Variants in LYPD6B observed in about 807,000 individuals in gnomAD.
LYPD6B encodes LY6/PLAUR domain containing 6B.
Under a neutral mutation model 22.8 loss-of-function variants are expected in LYPD6B, and 17 were observed. The ratio of observed to expected loss-of-function variants is 0.75; its 90% CI spans 0.51 to 1.12. LYPD6B has a LOEUF of 1.12. LYPD6B is among the 50% of genes most tolerant of loss of function. The probability of loss-of-function intolerance (pLI) is 0.00; values close to 1 mark genes in which losing one functional copy is unlikely to be tolerated. For synonymous variants in LYPD6B, 106 were observed against 91.6 expected (o/e 1.16, Z -0.90); for missense variants, 221 against 258.3 (o/e 0.86, Z 0.99).
chr2:149,205,210 G>A (rs533385806), intron 3 of LYPD6B, 43 bp from the exon 4 acceptor site: 15 of 1,566,424 alleles, frequency 9.6e-6, no homozygotes, highest in Non-Finnish European at 1.2e-5. Flanking sequence ...ACCCACTGAT[G>A]TAAAATATAA....
chr2:149,094,439 G>A (rs1451135910), intron 1 of LYPD6B, among the ~76,000 whole-genome samples: 3 of 152,140 alleles, frequency 2.0e-5, no homozygotes, highest in Admixed American at 6.5e-5. Context: ...CTAAAGGATT[G>A]GCTGAAAAAT....
chr2:149,120,335 ATG>A (rs1448315838), intron 1 of LYPD6B, among the ~76,000 whole-genome samples: 2 of 122,526 alleles, frequency 1.6e-5, no homozygotes, highest in East Asian at 2.4e-4. Context: ...GTATATATAT[ATG>A]TGTATATATA....
chr2:149,170,117 G>A (rs2105924821), intron 3 of LYPD6B, among the ~76,000 whole-genome samples: 1 of 152,280 alleles, frequency 6.6e-6, no homozygotes, highest in African/African-American at 2.4e-5. Flanking sequence ...GCCAAAAGTG[G>A]CCATCTTAAT....
intron 1 of LYPD6B, among the ~76,000 whole-genome samples, chr2:149,052,682 C>T (rs1444279546): frequency 1.3e-5 from 2 of 152,164 alleles, no homozygotes; most frequent in African/African-American, 4.8e-5. Context: ...CCACTGCTGT[C>T]CAGATTGAAG....
intron 3 of LYPD6B, among the ~76,000 whole-genome samples, chr2:149,171,166 G>A (rs774231592): frequency 3.7e-4 from 57 of 152,122 alleles, no homozygotes; most frequent in Non-Finnish European, 3.5e-4. Flanking sequence ...ATGTGTGCCC[G>A]GGAGCAGATT....
chr2:149,070,863 A>G (rs1397681743), intron 1 of LYPD6B, among the ~76,000 whole-genome samples: 1 of 152,206 alleles, frequency 6.6e-6, no homozygotes, highest in African/African-American at 2.4e-5. Context: ...ATACATTTCC[A>G]AGAAGTCAAC....
chr2:149,207,731 G>C (rs1693591427), intron 4 of LYPD6B, among the ~76,000 whole-genome samples: 1 of 152,106 alleles, frequency 6.6e-6, no homozygotes, highest in Non-Finnish European at 1.5e-5. Flanking sequence ...AAATGTAGCT[G>C]TACTGGAAGT....
chr2:149,200,826 T>C (rs1418760824), intron 3 of LYPD6B: 1 of 152,206 alleles, frequency 6.6e-6, no homozygotes, highest in Non-Finnish European at 1.5e-5. Context: ...TCTGTATCCC[T>C]ATAAATATGC....
At chr2:149,186,043 A>G (rs12475782) in intron 3 of LYPD6B, among the ~76,000 whole-genome samples, 62,871 of 152,056 alleles carry the variant, frequency 0.41, 13,208 homozygotes, top group Non-Finnish European at 0.44. Context: ...AATTAGTTCA[A>G]TTAATAACCC....
chr2:149,141,858 TCTC>T (rs1688714564), intron 2 of LYPD6B, among the ~76,000 whole-genome samples: 1 of 152,194 alleles, frequency 6.6e-6, no homozygotes, highest in African/African-American at 2.4e-5. Flanking sequence ...AAATCTTTCT[TCTC>T]CTCTTTCAAG....
rs142044158 is a variant in LYPD6B, at chr2:149,109,247, A to G, written c.-66-21636A>G. On this transcript the variant is annotated intron_variant, in intron 1 of 6. Transcript: ENST00000409642. ...GCAGAACTTAAAGCTTTTGTATCAT[A>G]CGTCTGAAAGTCTTCATTTCACTTA... Among the ~76,000 whole-genome samples the G allele has an allele frequency of 2.6e-5, 4 of 152,304 alleles. No homozygotes were observed. The East Asian group carries it at 7.7e-4, about 29-fold the overall frequency.
At chr2:149,081,496 G>A (rs1226679533) in intron 1 of LYPD6B, among the ~76,000 whole-genome samples, 7 of 152,172 alleles carry the variant, frequency 4.6e-5, no homozygotes, top group Non-Finnish European at 8.8e-5. Flanking sequence ...TGTAAAGCTC[G>A]TTGGCTGAGC....
intron 1 of LYPD6B, among the ~76,000 whole-genome samples, chr2:149,129,178 G>A (rs1468882235): frequency 6.6e-6 from 1 of 152,200 alleles, no homozygotes; most frequent in Admixed American, 6.5e-5. Context: ...GGACATGCAA[G>A]GGAAGAATGA....
intron 2 of LYPD6B, among the ~76,000 whole-genome samples, chr2:149,132,339 T>C (rs554923521): frequency 3.3e-5 from 5 of 151,256 alleles, no homozygotes; most frequent in African/African-American, 1.2e-4. Flanking sequence ...TCACCTTTCA[T>C]GTACCATGAT....
intron 3 of LYPD6B, among the ~76,000 whole-genome samples, chr2:149,164,296 A>T (rs929858705): frequency 1.3e-5 from 2 of 152,060 alleles, no homozygotes; most frequent in South Asian, 4.1e-4. Flanking sequence ...ATACTAATAC[A>T]GTGTGTTTTG....
At chr2:149,098,627 CAAAAAAA>C (rs1285429577) in intron 1 of LYPD6B, among the ~76,000 whole-genome samples, 7 of 83,484 alleles carry the variant, frequency 8.4e-5, no homozygotes, top group South Asian at 4.1e-4. Flanking sequence ...AACTCTGTCT[CAAAAAAA>C]AAAAAAAAAA....
At chr2:149,151,471 A>T (rs1189039156) in intron 2 of LYPD6B, among the ~76,000 whole-genome samples, 1 of 152,198 alleles carries the variant, frequency 6.6e-6, no homozygotes, top group Non-Finnish European at 1.5e-5. Context: ...AGGAAGCTGT[A>T]GTCTTCCGTA....
At chr2:149,045,293 A>G (rs1385648611) in intron 1 of LYPD6B, among the ~76,000 whole-genome samples, 1 of 151,960 alleles carries the variant, frequency 6.6e-6, no homozygotes, top group Non-Finnish European at 1.5e-5. Flanking sequence ...GACATTATTA[A>G]CTTATGTCTT....
intron 2 of LYPD6B, among the ~76,000 whole-genome samples, chr2:149,133,107 C>G (rs1295639434): frequency 1.3e-5 from 2 of 152,156 alleles, no homozygotes; most frequent in Non-Finnish European, 2.9e-5. Flanking sequence ...GTCCCACAGA[C>G]TCATATTCAG....
Sources: allele counts gnomAD v4.1 joint callset (sites outside exome capture counted in the v4.1 genomes callset), GRCh38; gene constraint gnomAD v4.1.1; transcripts MANE v1.5; gene names NCBI Gene and HGNC (gene_info 2026-07-23, HGNC 2026-07-21).